Variants in ACAP3 observed in about 807,000 individuals in gnomAD.
ACAP3 encodes the protein ArfGAP with coiled-coil, ankyrin repeat and PH domains 3.
A neutral mutation model predicts 104.1 loss-of-function variants in ACAP3; 56 were observed. The observed-to-expected ratio is 0.54, with a 90% CI of 0.43 to 0.67. ACAP3 has a LOEUF of 0.67. ACAP3 is among the 30% of genes least tolerant of loss of function. The probability of loss-of-function intolerance (pLI) is 0.00; values close to 1 mark genes in which losing one functional copy is unlikely to be tolerated. For synonymous variants in ACAP3, 628 were observed against 496.2 expected (o/e 1.27, Z -3.53); for missense variants, 1,208 against 1,174.9 (o/e 1.03, Z -0.41).
At chr1:1,296,688 C>G in intron 14 of ACAP3, 55 bp from the exon 15 acceptor site, 1 of 1,502,914 alleles carries the variant, frequency 6.7e-7, no homozygotes, top group Non-Finnish European at 8.9e-7. Flanking sequence ...ATGGTTTCCC[C>G]AGCAGGCCCC....
chr1:1,293,540 G>GGCA lies in ACAP3; in HGVS notation c.*21_*23dup, dbSNP rs1640935782. The GGCA allele has an allele frequency of 2.8e-6, 4 of 1,445,916 alleles. No individual in the cohort carries two copies. The highest frequency in any genetic ancestry group is 3.6e-6 in the Non-Finnish European group (4 of 1,106,842). The allele number at this position is 1,445,916 out of a possible 1,614,324, so 89.6% of individuals were successfully genotyped here. A position where few individuals can be genotyped will look rare whatever the true frequency, so the allele number is the denominator to read the frequency against. On this transcript the variant is annotated 3_prime_UTR_variant, in exon 24 of 24. Transcript: ENST00000354700. ...TGCGGGGCGTCGGGCCGGGCGGGGT[G>GGCA]GCAGCTGCCCGGCCTGCCCGGCCCT...
chr1:1,296,531 T>A lies in ACAP3; in HGVS notation c.1231A>T (p.Ser411Cys), dbSNP rs113099629. ...KGESVLQRVQ[S>C]VAGNSQCGDC... is the part of the protein sequence containing the mutation. ...CCGCACTGGCTGTTGCCGGCCACAC[T>A]CTGCACACGCTGCAGCACACTCTCG... Residue 411 changes from serine (S) to cysteine (C), a missense_variant, in exon 15 of 24, where the codon AGT becomes TGT. Physicochemically the swap from Ser to Cys is moderately radical, Grantham distance 112. Coordinates refer to ENST00000354700, the MANE Select transcript of ACAP3 (RefSeq NM_030649.3). 9 of 1,539,838 alleles carry A rather than the reference T, an allele frequency of 5.8e-6. No individual in the cohort carries two copies. The highest frequency in any genetic ancestry group is 1.4e-5 in the African/African-American group (1 of 73,004).
At chr1:1,306,469 G>A (rs1011447994) in intron 1 of ACAP3, among the ~76,000 whole-genome samples, 6 of 152,200 alleles carry the variant, frequency 3.9e-5, no homozygotes, top group African/African-American at 1.2e-4. Flanking sequence ...TCCCAGGTCA[G>A]CAACAGAAGA....
rs1237758155 is a variant in ACAP3, at chr1:1,300,538, G to A, written c.493C>T (p.Arg165Cys). ...GALTLTRKCFRHLALDYVLQI... is the reference protein window; with the variant it reads ...GALTLTRKCFCHLALDYVLQI... ...AGCACATAGTCCAGTGCCAGGTGGC[G>A]GAAGCACTTCCTGGTGAGGGTGAGG... is the stretch of plus-strand genomic sequence containing the variant. The change falls in exon 6 of 24, where the codon CGC becomes TGC. Residue 165 changes from arginine (R) to cysteine (C), a missense_variant. Arg to Cys is a radical substitution (Grantham distance 180). Coordinates refer to ENST00000354700, the MANE Select transcript of ACAP3 (RefSeq NM_030649.3). 1.9e-6 allele frequency: 3 copies of A among 1,611,778 alleles called. No homozygotes were observed. The highest frequency in any genetic ancestry group is 1.3e-5 in the African/African-American group (1 of 75,020).
At chr1:1,302,181 C>A in intron 4 of ACAP3, 135 bp from the exon 5 acceptor site, 1 of 713,328 alleles carries the variant, frequency 1.4e-6, no homozygotes, top group Non-Finnish European at 2.1e-6. Flanking sequence ...CAGGGCTGGC[C>A]TCAAGGGGGT....
In ACAP3 at chr1:1,297,815, G is replaced by A. The variant is rs1218302209; in HGVS notation, c.1128+7C>T. The A allele has an allele frequency of 4.3e-6, 7 of 1,609,548 alleles. No homozygotes were observed. The highest frequency in any genetic ancestry group is 5.9e-6 in the Non-Finnish European group (7 of 1,177,990). The stretch of plus-strand genomic sequence containing the variant: ...CGGGCTTGGGGCAGGGGCACCAAGG[G>A]CCACACCTCGCTATAGCAACTGTCA... On this transcript the variant is annotated splice_region_variant and intron_variant, in intron 14 of 23. Coordinates refer to ENST00000354700, the MANE Select transcript of ACAP3 (RefSeq NM_030649.3).
In ACAP3 at chr1:1,298,191, G is replaced by A. The variant is rs987357049; in HGVS notation, c.916-78C>T. The A allele has an allele frequency of 9.1e-4, 1,423 of 1,562,284 alleles. 3 individuals are homozygous for A. The highest frequency in any genetic ancestry group is 1.1e-3 in the Non-Finnish European group (1,297 of 1,153,410). On this transcript the variant is annotated intron_variant, in intron 12 of 23. Coordinates refer to ENST00000354700, the MANE Select transcript of ACAP3 (RefSeq NM_030649.3). ...CACCCACTTCCTGCTTCACCTTGGA[G>A]ACCCGGAGGCCGACTGCCTGAGCCC... is the stretch of plus-strand genomic sequence containing the variant.
chr1:1,300,212 G>A lies in ACAP3; in HGVS notation c.523-10C>T, dbSNP rs985349205. ...CCTGCAGAACATTGATCTGCCAGAG[G>A]GGGAGCCCACAGGTGAGCCCCGGAG... On this transcript the variant is annotated splice_polypyrimidine_tract_variant and intron_variant, in intron 6 of 23. Coordinates refer to ENST00000354700, the MANE Select transcript of ACAP3 (RefSeq NM_030649.3). 1.3e-5 allele frequency: 21 copies of A among 1,603,156 alleles called. No individual in the cohort carries two copies. Among genetic ancestry groups the A allele is most frequent in the African/African-American group, 2.7e-5 (2 of 74,774 alleles).
Position 1,293,570 on chromosome 1 carries a change from C to G in ACAP3, c.2499G>C (p.Glu833Asp), listed in dbSNP as rs1426893962. Residue 833 changes from glutamate (E) to aspartate (D), a missense_variant, in exon 24 of 24, where the codon GAG becomes GAC. Coordinates refer to ENST00000354700, the MANE Select transcript of ACAP3 (RefSeq NM_030649.3). ...IQEFISLHLE[E>D]S ...CTGCCCGGCCTGCCCGGCCCTAGCT[C>G]TCTTCCAGGTGGAGGCTGATGAACT... The G allele has an allele frequency of 2.0e-5, 29 of 1,483,756 alleles. No individual in the cohort carries two copies. The highest frequency in any genetic ancestry group is 1.5e-4 in the South Asian group (12 of 80,740). The allele number at this position is 1,483,756 out of a possible 1,614,324, so 91.9% of individuals were successfully genotyped here. A position where few individuals can be genotyped will look rare whatever the true frequency, so the allele number is the denominator to read the frequency against.
At position 1,304,023 on chromosome 1, in the gene ACAP3, A is replaced by G. The variant is rs1570662134; in HGVS notation, c.105+63T>C. The G allele has an allele frequency of 7.8e-6, 12 of 1,544,474 alleles. No homozygotes were observed. In the East Asian group the frequency reaches 2.0e-4, roughly 25 times the overall value. ...GTGGCTTAGTAAGGCCTGGAGGGCG[A>G]GTCTGGCCATGTGGCCATCCCAAGC... On this transcript the variant is annotated intron_variant, in intron 2 of 23. Transcript: ENST00000354700.
At chr1:1,301,950 G>A in intron 5 of ACAP3, 38 bp downstream of exon 5, 1 of 1,521,126 alleles carries the variant, frequency 6.6e-7, no homozygotes, top group Non-Finnish European at 8.8e-7. Context: ...AGGGAGCGTG[G>A]CCTCAGTGTT....
At chr1:1,306,525 G>C (rs1457602821) in intron 1 of ACAP3, among the ~76,000 whole-genome samples, 1 of 152,170 alleles carries the variant, frequency 6.6e-6, no homozygotes, top group East Asian at 1.9e-4. Context: ...AGGGCTGGCG[G>C]CCACTCTCCT....
Position 1,296,241 on chromosome 1 carries a change from C to G in ACAP3, c.1377G>C (p.Thr459=). 5 of 1,563,560 alleles carry G rather than the reference C, an allele frequency of 3.2e-6. No homozygotes were observed. Among genetic ancestry groups the G allele is most frequent in the Non-Finnish European group, 4.3e-6 (5 of 1,153,964 alleles). Residue 459 remains threonine, a synonymous_variant, in exon 16 of 24, where the codon ACG becomes ACC. Coordinates refer to ENST00000354700, the MANE Select transcript of ACAP3 (RefSeq NM_030649.3). The part of the protein sequence containing the change: ...GVHCSKVRSL[T]LDSWEPELLK... ...GCAGCTCAGGCTCCCACGAGTCCAG[C>G]GTCAGGGACCGCACCTTGGAGCAGT...
rs369410185 is a variant in ACAP3, at chr1:1,307,243, A to AC, written c.47+525dup. On this transcript the variant is annotated intron_variant, in intron 1 of 23. Transcript: ENST00000354700. ...CAGACTCGGTGTGCACACAACCCCTACCCCCTACCTGACCTTCCCCGCCGC... is the reference window on the plus strand; with the variant it reads ...CAGACTCGGTGTGCACACAACCCCTACCCCCCTACCTGACCTTCCCCGCCGC... The AC allele has an allele frequency of 3.1e-6, 4 of 1,278,240 alleles. No homozygotes were observed. The African/African-American group carries it at 4.7e-5, about 15-fold the overall frequency. The allele number at this position is 1,278,240 out of a possible 1,614,324, so 79.2% of individuals were successfully genotyped here. A position where few individuals can be genotyped will look rare whatever the true frequency, so the allele number is the denominator to read the frequency against.
rs752269781 is a variant in ACAP3, at chr1:1,307,395, A to G, written c.47+374T>C. On this transcript the variant is annotated intron_variant, in intron 1 of 23. Transcript: ENST00000354700. ...CCCCACGCGCTGCTCTGGACACAGG[A>G]TCAAGTCAGAGACCAGGGGCCGACG... is the stretch of plus-strand genomic sequence containing the variant. 27 of 1,290,880 alleles carry G rather than the reference A, an allele frequency of 2.1e-5. No individual in the cohort carries two copies. The South Asian group carries it at 2.8e-4, about 14-fold the overall frequency. 80.0% of individuals were successfully genotyped at this position (1,290,880 alleles called of 1,614,324 possible). A position where few individuals can be genotyped will look rare whatever the true frequency, so the allele number is the denominator to read the frequency against.
chr1:1,302,829 C>T lies in ACAP3; in HGVS notation c.279+93G>A, dbSNP rs1170857065. ...CCCCGACTAGAGGAGCAGAAACGTG[C>T]CCCCCCCAACCCGACGCCGGCCTTC... On this transcript the variant is annotated intron_variant, in intron 4 of 23. Transcript: ENST00000354700. The T allele has an allele frequency of 1.1e-5, 5 of 474,258 alleles. No individual in the cohort carries two copies. The East Asian group carries it at 2.7e-4, about 25-fold the overall frequency. The allele number at this position is 474,258 out of a possible 1,614,324, so 29.4% of individuals were successfully genotyped here.
chr1:1,294,917 C>T, intron 19 of ACAP3, 101 bp from the exon 20 acceptor site: 1 of 1,222,052 alleles, frequency 8.2e-7, no homozygotes, highest in Admixed American at 2.3e-5. Context: ...CAGGGGCCAC[C>T]CCTAGGGACA....
chr1:1,300,909 T>G (rs569827036), intron 5 of ACAP3, among the ~76,000 whole-genome samples: 1 of 152,148 alleles, frequency 6.6e-6, no homozygotes, highest in African/African-American at 2.4e-5. Context: ...GCAGCTGGGA[T>G]TACAGGCATG....
intron 1 of ACAP3, chr1:1,304,395 C>G (rs902120391): frequency 5.1e-5 from 30 of 585,614 alleles, no homozygotes; most frequent in Middle Eastern, 4.5e-4. Flanking sequence ...GGACCAGCCT[C>G]TCCCAGGACA....
Sources: allele counts gnomAD v4.1 joint callset (sites outside exome capture counted in the v4.1 genomes callset), GRCh38; gene constraint gnomAD v4.1.1; transcripts MANE v1.5; gene names NCBI Gene and HGNC (gene_info 2026-07-23, HGNC 2026-07-21).